TRMT2B: variants seen among roughly 807,000 people sequenced by gnomAD.
TRMT2B encodes the protein tRNA methyltransferase 2B, also known as tRNA (uracil-5-)-methyltransferase homolog B.
Under a neutral mutation model 39.7 loss-of-function variants are expected in TRMT2B, and 34 were observed. The observed-to-expected ratio is 0.86, with a 90% CI of 0.65 to 1.14. TRMT2B has a LOEUF of 1.14. Among genes scored for constraint, TRMT2B ranks in the 50% most tolerant of loss-of-function variants. The pLI is 0.00. For synonymous variants in TRMT2B, 132 were observed against 137.3 expected (o/e 0.96, Z 0.27); for missense variants, 318 against 377.2 (o/e 0.84, Z 1.30).
chrX:100,973,642 ACTT>A, the TRMT2B span: 2 of 1,171,695 alleles, frequency 1.7e-6, no homozygotes, highest in Non-Finnish European at 1.2e-6. Context: ...AACAGGACTT[ACTT>A]CTTATTTTCT....
the TRMT2B span, among the ~76,000 whole-genome samples, chrX:100,993,140 C>T: frequency 8.9e-6 from 1 of 111,976 alleles, no homozygotes; most frequent in Non-Finnish European, 1.9e-5. Flanking sequence ...TCTGGTCCAA[C>T]CCCTGTTGTT....
At position 101,051,341 on chromosome X, in the gene TRMT2B, G is replaced by T; in HGVS notation, c.-114C>A. On this transcript the variant is annotated 5_prime_UTR_variant, in exon 2 of 14. Transcript: ENST00000372936. ...CTCTCTGCTCACCCTTCCTTCAGCT[G>T]GACCGGCTCCAGACACTATTCCTTG... 1.3e-6 allele frequency: 1 copy of T among 754,091 alleles called. No homozygotes were observed. The highest frequency in any genetic ancestry group is 1.6e-6 in the Non-Finnish European group (1 of 639,384). 62.1% of individuals were successfully genotyped at this position (754,091 alleles called of 1,213,427 possible).
At chrX:100,988,851 C>CATATATATATATATAT in the TRMT2B span, among the ~76,000 whole-genome samples, 8 of 79,672 alleles carry the variant, frequency 1.0e-4, no homozygotes, top group Non-Finnish European at 1.4e-4. Flanking sequence ...TAATATATCT[C>CATATATATATATATAT]ATATATATAT....
At position 101,018,104 on chromosome X, in the gene TRMT2B, G is replaced by A. The variant is rs141027211; in HGVS notation, c.1388+867C>T. On this transcript the variant is annotated intron_variant, in intron 13 of 13. Transcript: ENST00000372936. ...AAAAATTAGCCAGGCACTTTGGTAG[G>A]CCGATGCAGGAGGATCACCTGCACC... Among the ~76,000 whole-genome samples the A allele has an allele frequency of 5.0e-3, 551 of 110,973 alleles. 4 individuals carry two copies. Among genetic ancestry groups the A allele is most frequent in the African/African-American group, 0.017 (522 of 30,574 alleles).
chrX:101,047,226 T>C (rs1009933950), intron 2 of TRMT2B, among the ~76,000 whole-genome samples: 4 of 104,595 alleles, frequency 3.8e-5, no homozygotes, highest in Non-Finnish European at 7.8e-5. Context: ...AAAAAAAAAG[T>C]ACTTAGCAGA....
At chrX:100,984,365 C>T in the TRMT2B span, among the ~76,000 whole-genome samples, 2 of 110,355 alleles carry the variant, frequency 1.8e-5, no homozygotes, top group African/African-American at 3.3e-5. Flanking sequence ...TCTTGAACTC[C>T]TAACTTCAGG....
chrX:101,014,349 T>C (rs747990867), intron 13 of TRMT2B, among the ~76,000 whole-genome samples: 1 of 110,709 alleles, frequency 9.0e-6, no homozygotes, highest in Non-Finnish European at 1.9e-5. Flanking sequence ...TTTTTTTTAC[T>C]GTTTTAGAGA....
chrX:101,044,683 T>C (rs1337729629), intron 2 of TRMT2B, among the ~76,000 whole-genome samples: 2 of 109,132 alleles, frequency 1.8e-5, no homozygotes, highest in Non-Finnish European at 3.8e-5. Flanking sequence ...CTACGAAAAA[T>C]ACAAAAATTA....
At position 101,009,645 on chromosome X, in the gene TRMT2B, A is replaced by G. The variant is rs755558065; in HGVS notation, c.*936T>C. 1 of 101,770 alleles carries G rather than the reference A, an allele frequency of 9.8e-6. No homozygotes were observed. Among genetic ancestry groups the G allele is most frequent in the East Asian group, 3.1e-4 (1 of 3,243 alleles). 8.4% of individuals were successfully genotyped at this position (101,770 alleles called of 1,213,427 possible). A position where few individuals can be genotyped will look rare whatever the true frequency, so the allele number is the denominator to read the frequency against. On this transcript the variant is annotated 3_prime_UTR_variant, in exon 14 of 14. Coordinates refer to ENST00000372936, the MANE Select transcript of TRMT2B (RefSeq NM_024917.6). The stretch of plus-strand genomic sequence containing the variant: ...AACCTCCACCTCCCAGGTTCAAGCA[A>G]TTATCCTGCCTCAGCCTCCCGAGTA...
rs774806587 is a variant in TRMT2B, at chrX:101,023,594, T to C, written c.632A>G (p.Gln211Arg). 4 of 1,208,244 alleles carry C rather than the reference T, an allele frequency of 3.3e-6. No individual in the cohort carries two copies. The East Asian group carries it at 1.2e-4, about 36-fold the overall frequency. ...TACAAGGCAGGGCTCCAATGGAGAC[T>C]GTCGAAGGAATACTTCATAGTACTA... ...VAQYYEVFLR[Q>R]SPLEPCLVFH... Residue 211 changes from glutamine (Q) to arginine (R), a missense_variant, in exon 8 of 14, where the codon CAG (glutamine) becomes CGG (arginine). By Grantham distance (43) the Gln-to-Arg change is conservative. Transcript: ENST00000372936.
intron 13 of TRMT2B, chrX:101,013,850 G>A (rs2086387225): frequency 9.0e-6 from 1 of 111,476 alleles, no homozygotes; most frequent in African/African-American, 3.3e-5. Flanking sequence ...CACTTTGGGA[G>A]GCTGAGGTGG....
At chrX:101,012,601 C>T (rs2086312419) in intron 13 of TRMT2B, among the ~76,000 whole-genome samples, 1 of 108,501 alleles carries the variant, frequency 9.2e-6, no homozygotes, top group African/African-American at 3.4e-5. Context: ...CGATAGTTTA[C>T]TGAGAATGAT....
the TRMT2B span, among the ~76,000 whole-genome samples, chrX:100,988,851 C>CATATATATAT: frequency 2.5e-3 from 196 of 79,650 alleles, no homozygotes; most frequent in African/African-American, 6.2e-3. Context: ...TAATATATCT[C>CATATATATAT]ATATATATAT....
chrX:101,025,725 G>A (rs1042954741), intron 7 of TRMT2B, among the ~76,000 whole-genome samples: 3 of 111,393 alleles, frequency 2.7e-5, no homozygotes, highest in Admixed American at 9.7e-5. Flanking sequence ...TTGAGAGGCC[G>A]AGGTGGGCAG....
At chrX:101,005,371 C>T (rs758450837), downstream of TRMT2B, among the ~76,000 whole-genome samples, 1 of 109,426 alleles carries the variant, frequency 9.1e-6, no homozygotes, top group South Asian at 4.0e-4. Flanking sequence ...CCAGCCTGGG[C>T]TGTGACAGAG....
chrX:101,041,418 C>T (rs1330840421), intron 3 of TRMT2B, 47 bp from the exon 4 acceptor site: 2 of 1,095,410 alleles, frequency 1.8e-6, no homozygotes, highest in Non-Finnish European at 2.5e-6. Context: ...TAAATATGTA[C>T]TGAGTGCCTA....
chrX:100,976,894 A>T, the TRMT2B span, among the ~76,000 whole-genome samples: 1 of 112,683 alleles, frequency 8.9e-6, no homozygotes, highest in Non-Finnish European at 1.9e-5. Context: ...CACTGCACCC[A>T]GCTGCTGCGA....
chrX:101,037,010 G>C lies in TRMT2B; in HGVS notation c.502C>G (p.Pro168Ala), dbSNP rs753903952. The change falls in exon 6 of 14, where the codon CCA becomes GCA. Residue 168 changes from proline (P) to alanine (A), a missense_variant. Physicochemically the swap from Pro to Ala is conservative, Grantham distance 27. Coordinates refer to ENST00000372936, the MANE Select transcript of TRMT2B (RefSeq NM_024917.6). ...CCCAGGTAGAACCCCACAGTCTTTG[G>C]ATTGCCATCTGGACCTCGGTTCACA... ...FSVNRGPDGN[P>A]KTVGFYLGTW... 1 of 1,211,436 alleles carries C rather than the reference G, an allele frequency of 8.3e-7. No individual in the cohort carries two copies. The highest frequency in any genetic ancestry group is 1.1e-6 in the Non-Finnish European group (1 of 895,226).
chrX:100,981,464 T>A, the TRMT2B span, among the ~76,000 whole-genome samples: 1 of 109,710 alleles, frequency 9.1e-6, no homozygotes, highest in Non-Finnish European at 1.9e-5. Flanking sequence ...TGCTGGTGAT[T>A]CAAGACTCTT....
Sources: gnomAD v4.1 joint callset for allele counts (sites outside exome capture counted in the v4.1 genomes callset) on GRCh38, gnomAD v4.1.1 for gene constraint, MANE v1.5 for transcripts, NCBI Gene and HGNC (gene_info 2026-07-23, HGNC 2026-07-21) for gene names.